Variants in TBC1D5 observed in about 807,000 individuals in gnomAD.
TBC1D5 encodes TBC1 domain family, member 5.
Under a neutral mutation model 100.3 loss-of-function variants are expected in TBC1D5, and 75 were observed. The ratio of observed to expected loss-of-function variants is 0.75; its 90% CI spans 0.62 to 0.91. The LOEUF (loss-of-function observed/expected upper bound fraction) is 0.91, where lower values mean the gene tolerates loss of function less well. Ranked by LOEUF, TBC1D5 falls within the 40% of genes least tolerant of loss-of-function variation. The pLI is 0.00. For missense variants in TBC1D5, 910 were observed against 942.4 expected, an observed-to-expected ratio of 0.97 and a Z score of 0.45; for synonymous variants, 323 against 325.6, an observed-to-expected ratio of 0.99 and a Z score of 0.09.
chr3:17,571,255 A>G (rs2096625305), intron 2 of TBC1D5, among the ~76,000 whole-genome samples: 1 of 152,004 alleles, frequency 6.6e-6, no homozygotes, highest in Non-Finnish European at 1.5e-5. Context: ...AGCAACTACA[A>G]TACCTTTGTA....
intron 3 of TBC1D5, among the ~76,000 whole-genome samples, chr3:17,461,817 A>C (rs1201693141): frequency 1.3e-5 from 2 of 152,096 alleles, no homozygotes; most frequent in African/African-American, 4.8e-5. Flanking sequence ...TGCACCCACC[A>C]CCTTATTTTA....
intron 2 of TBC1D5, among the ~76,000 whole-genome samples, chr3:17,610,260 C>T (rs1274489536): frequency 3.9e-5 from 6 of 152,154 alleles, no homozygotes; most frequent in Non-Finnish European, 5.9e-5. Flanking sequence ...TTATGGTTCA[C>T]TGCAACCTCA....
chr3:17,157,406 C>G (rs1289188022), exon 22 of TBC1D5: 1 of 152,240 alleles, frequency 6.6e-6, no homozygotes, highest in Non-Finnish European at 1.5e-5. Context: ...CTTTATATAT[C>G]TTTTTAACAG....
intron 3 of TBC1D5, among the ~76,000 whole-genome samples, chr3:17,429,672 T>C (rs1351675944): frequency 2.6e-5 from 4 of 151,926 alleles, no homozygotes; most frequent in African/African-American, 4.8e-5. Context: ...GTATAGTATC[T>C]AAGGTACTAT....
intron 2 of TBC1D5, among the ~76,000 whole-genome samples, chr3:17,601,580 C>A (rs955734247): frequency 6.6e-6 from 1 of 152,172 alleles, no homozygotes; most frequent in Non-Finnish European, 1.5e-5. Flanking sequence ...CCCTTGTGAG[C>A]AATGCCTAAT....
chr3:17,659,752 T>C (rs934879712), intron 1 of TBC1D5, among the ~76,000 whole-genome samples: 5 of 152,128 alleles, frequency 3.3e-5, no homozygotes, highest in Non-Finnish European at 7.4e-5. Context: ...CCTGAGGAAT[T>C]TTTTTCTTAC....
chr3:17,219,671 T>A (rs754512314), intron 17 of TBC1D5, among the ~76,000 whole-genome samples: 5 of 152,068 alleles, frequency 3.3e-5, no homozygotes, highest in Non-Finnish European at 5.9e-5. Context: ...TTTAGGGTAC[T>A]CCAGATACAT....
chr3:17,654,859 AGAGTCAACTTCTTCCTGGT>A, intron 1 of TBC1D5, among the ~76,000 whole-genome samples: 1 of 152,220 alleles, frequency 6.6e-6, no homozygotes, highest in African/African-American at 2.4e-5. Flanking sequence ...GTCTATTCAG[AGAGTCAACTTCTTCCTGGT>A]TTAGTCTTGG....
intron 13 of TBC1D5, among the ~76,000 whole-genome samples, chr3:17,325,222 G>T (rs1344467693): frequency 2.0e-5 from 2 of 100,308 alleles, no homozygotes; most frequent in African/African-American, 3.8e-5. Context: ...ACTGGTAAAA[G>T]AATAAACAAA....
At chr3:17,519,101 G>A (rs1014526720) in intron 2 of TBC1D5, 3 of 152,324 alleles carry the variant, frequency 2.0e-5, no homozygotes, top group African/African-American at 7.2e-5. Context: ...ATTCTTGGGG[G>A]AGAAAACATT....
intron 1 of TBC1D5, among the ~76,000 whole-genome samples, chr3:17,674,249 G>A (rs2068340769): frequency 6.6e-6 from 1 of 152,054 alleles, no homozygotes; most frequent in South Asian, 2.1e-4. Context: ...TTCTTTATAT[G>A]CCTTTGAAAA....
chr3:17,401,673 A>G (rs997071245), intron 8 of TBC1D5, among the ~76,000 whole-genome samples: 4 of 152,068 alleles, frequency 2.6e-5, no homozygotes, highest in African/African-American at 9.7e-5. Flanking sequence ...CTTCATTTAC[A>G]TTTGATAACT....
chr3:17,417,035 G>A (rs2094093131), intron 4 of TBC1D5, among the ~76,000 whole-genome samples: 1 of 152,142 alleles, frequency 6.6e-6, no homozygotes, highest in South Asian at 2.1e-4. Flanking sequence ...TAAGGTGGGG[G>A]GAAGGGTAAG....
At chr3:17,299,598 C>A (rs1666022716) in intron 14 of TBC1D5, among the ~76,000 whole-genome samples, 1 of 152,068 alleles carries the variant, frequency 6.6e-6, no homozygotes, top group Non-Finnish European at 1.5e-5. Context: ...GTGGCTCACG[C>A]CTGTAATCCC....
rs74836448 is a variant in TBC1D5 at position 17,668,874 on chromosome 3, A to G, written c.-100-44961T>C. ...AGGAAGTAGGGTTTGTAATCCCTAAATAGAGTGTGGAGGCAGTCAGATCCT... is the reference window on the plus strand; with the variant it reads ...AGGAAGTAGGGTTTGTAATCCCTAAGTAGAGTGTGGAGGCAGTCAGATCCT... On this transcript the variant is annotated intron_variant, in intron 1 of 21. Coordinates refer to ENST00000253692, the Ensembl canonical transcript of TBC1D5. Among the ~76,000 whole-genome samples the G allele has an allele frequency of 1.1e-4, 17 of 152,234 alleles. 1 individual carries two copies. In the East Asian group the frequency reaches 3.3e-3, roughly 29 times the overall value.
intron 3 of TBC1D5, among the ~76,000 whole-genome samples, chr3:17,463,441 G>C (rs188290192): frequency 4.6e-5 from 7 of 152,292 alleles, no homozygotes; most frequent in African/African-American, 1.4e-4. Flanking sequence ...TTGCAAGTCA[G>C]TAGTCAACCT....
At chr3:17,199,001 G>A (rs377226405) in intron 18 of TBC1D5, among the ~76,000 whole-genome samples, 5 of 152,226 alleles carry the variant, frequency 3.3e-5, no homozygotes, top group African/African-American at 9.6e-5. Context: ...TGCATTTTCC[G>A]CTACATGTAG....
At chr3:17,467,286 C>CTTTTTTTTTTTT (rs11299814) in intron 3 of TBC1D5, among the ~76,000 whole-genome samples, 1 of 121,260 alleles carries the variant, frequency 8.2e-6, no homozygotes, top group African/African-American at 3.2e-5. Flanking sequence ...GCCAGACCTT[C>CTTTTTTTTTTTT]TTTTTTTTTT....
intron 1 of TBC1D5, among the ~76,000 whole-genome samples, chr3:17,662,343 T>C (rs1205243590): frequency 6.6e-6 from 1 of 152,234 alleles, no homozygotes; most frequent in African/African-American, 2.4e-5. Flanking sequence ...TTTTCATGGC[T>C]AGAAGTTGTC....
Sources: gnomAD v4.1 joint callset for allele counts (sites outside exome capture counted in the v4.1 genomes callset) on GRCh38, gnomAD v4.1.1 for gene constraint, MANE v1.5 for transcripts, NCBI Gene and HGNC (gene_info 2026-07-23, HGNC 2026-07-21) for gene names.